SH3PXD2B: variants seen among roughly 807,000 people sequenced by gnomAD.
The protein encoded by SH3PXD2B is SH3 and PX domain-containing protein 2B.
Under a neutral mutation model 73.1 loss-of-function variants are expected in SH3PXD2B, and 37 were observed. That is an observed-to-expected ratio of 0.51 (90% confidence interval 0.39 to 0.67). The LOEUF (loss-of-function observed/expected upper bound fraction) is 0.67, where lower values mean the gene tolerates loss of function less well. Ranked by LOEUF, SH3PXD2B falls within the 30% of genes least tolerant of loss-of-function variation. The pLI, the probability that SH3PXD2B is intolerant of heterozygous loss-of-function variation, is 0.00. For missense variants in SH3PXD2B, 1,053 were observed against 1,197.8 expected (o/e 0.88, Z 1.78); for synonymous variants, 457 against 480.5 (o/e 0.95, Z 0.64).
intron 5 of SH3PXD2B, among the ~76,000 whole-genome samples, chr5:172,377,632 A>C (rs1350401494): frequency 6.6e-6 from 1 of 152,182 alleles, no homozygotes; most frequent in Non-Finnish European, 1.5e-5. Flanking sequence ...CAGAGAAGTC[A>C]AGTCATTTGT....
At position 172,338,305 on chromosome 5, in the gene SH3PXD2B, C is replaced by G; in HGVS notation, c.*64G>C. 5 of 1,611,930 alleles carry G rather than the reference C, an allele frequency of 3.1e-6. No homozygotes were observed. The South Asian group carries it at 5.5e-5, about 18-fold the overall frequency. ...GCGTGGAGAATGATAAATTAAGAGGCGTATTAAATACGTGGGTAAAGCCAG... is the reference window on the plus strand; with the variant it reads ...GCGTGGAGAATGATAAATTAAGAGGGGTATTAAATACGTGGGTAAAGCCAG... On this transcript the variant is annotated 3_prime_UTR_variant, in exon 13 of 13. Transcript: ENST00000311601. The surrounding 1 kb of genome is among the most constrained non-coding windows in gnomAD (Gnocchi z 5.1).
chr5:172,431,674 TAC>T (rs1313999057), intron 1 of SH3PXD2B, among the ~76,000 whole-genome samples: 5 of 149,372 alleles, frequency 3.3e-5, no homozygotes, highest in Non-Finnish European at 7.3e-5. Context: ...GGTGTTTATA[TAC>T]ACAGACACCC....
intron 4 of SH3PXD2B, 87 bp from the exon 5 acceptor site, chr5:172,382,214 G>A: frequency 9.2e-7 from 1 of 1,090,840 alleles, no homozygotes. Context: ...TACTCGGGAG[G>A]CTGAGGCAAG....
chr5:172,413,241 C>T (rs909998936), intron 2 of SH3PXD2B, among the ~76,000 whole-genome samples: 9 of 152,356 alleles, frequency 5.9e-5, no homozygotes, highest in South Asian at 2.1e-4. Flanking sequence ...CTGAACACAA[C>T]GGTGTCCCTG....
At chr5:172,392,232 G>A (rs1758207034) in intron 4 of SH3PXD2B, among the ~76,000 whole-genome samples, 1 of 152,100 alleles carries the variant, frequency 6.6e-6, no homozygotes, top group Admixed American at 6.5e-5. Context: ...ATATAACTGT[G>A]TCTTTACAGG....
chr5:172,452,979 C>T, intron 1 of SH3PXD2B, among the ~76,000 whole-genome samples: 1 of 152,200 alleles, frequency 6.6e-6, no homozygotes, highest in East Asian at 1.9e-4. Context: ...GAATAACTGG[C>T]TGCCCAGCCA....
At chr5:172,422,017 GGA>G (rs1400982790) in intron 2 of SH3PXD2B, among the ~76,000 whole-genome samples, 1 of 146,880 alleles carries the variant, frequency 6.8e-6, no homozygotes, top group East Asian at 2.0e-4. Flanking sequence ...TTTTTGAGAT[GGA>G]GTTTTGCTCT....
chr5:172,358,909 T>C (rs767123696), intron 7 of SH3PXD2B, 32 bp from the exon 8 acceptor site: 139 of 1,600,650 alleles, frequency 8.7e-5, no homozygotes, highest in Non-Finnish European at 1.1e-4. Flanking sequence ...ATGATGTTAG[T>C]TGCATCAAGC....
intron 12 of SH3PXD2B, among the ~76,000 whole-genome samples, chr5:172,345,182 C>G (rs1756968935): frequency 1.3e-5 from 2 of 149,388 alleles, no homozygotes; most frequent in South Asian, 2.1e-4. Context: ...TGGAATATAG[C>G]CAGGAAGGAA....
In SH3PXD2B at chr5:172,339,303, T is replaced by G. The variant is rs559517729; in HGVS notation, c.1802A>C (p.Lys601Thr). The change falls in exon 13 of 13, where the codon AAG becomes ACG. Residue 601 changes from lysine (K) to threonine (T), a missense_variant. Lys to Thr is a moderately conservative substitution (Grantham distance 78). This residue lies in a region of SH3PXD2B where 587 missense variants were observed against 590.7 expected (regional missense o/e 0.99). Coordinates refer to ENST00000311601, the MANE Select transcript of SH3PXD2B (RefSeq NM_001017995.3). This position sits in a 1 kb window ranked among gnomAD's most constrained non-coding sequence, Gnocchi z 6.1. The stretch of plus-strand genomic sequence containing the variant: ...CTTCTTCACTTCCTTGGCCAAGACC[T>G]TGTGGCCACACTCCAGCCCCATGTC... Reference protein sequence around the residue: ...KNDMGLECGHKVLAKEVKKPN... With the variant: ...KNDMGLECGHTVLAKEVKKPN... 6.2e-7 allele frequency: 1 copy of G among 1,614,198 alleles called. No homozygotes were observed. Among genetic ancestry groups the G allele is most frequent in the African/African-American group, 1.3e-5 (1 of 75,040 alleles).
At chr5:172,453,971 T>C (rs936374584) in intron 1 of SH3PXD2B, among the ~76,000 whole-genome samples, 1 of 151,118 alleles carries the variant, frequency 6.6e-6, no homozygotes, top group Non-Finnish European at 1.5e-5. Flanking sequence ...TTTCCACAGA[T>C]GAGCAGGACG....
At chr5:172,434,782 G>GTTTTTGTTTTTTTT (rs1554087271) in intron 1 of SH3PXD2B, among the ~76,000 whole-genome samples, 3 of 66,348 alleles carry the variant, frequency 4.5e-5, no homozygotes, top group African/African-American at 1.4e-4. Flanking sequence ...ATGGCCAATG[G>GTTTTTGTTTTTTTT]TTTTTTTTTT....
At position 172,378,714 on chromosome 5, in the gene SH3PXD2B, C is replaced by G. The variant is rs572272450; in HGVS notation, c.401+3322G>C. Among the ~76,000 whole-genome samples the G allele has an allele frequency of 3.3e-5, 5 of 152,290 alleles. No individual in the cohort carries two copies. In the South Asian group the frequency reaches 6.2e-4, roughly 19 times the overall value. On this transcript the variant is annotated intron_variant, in intron 5 of 12. Coordinates refer to ENST00000311601, the MANE Select transcript of SH3PXD2B (RefSeq NM_001017995.3). ...GTGAGGGAGGTGTCATCAGGCCCAT[C>G]TTACATAAGAGGAGACTGAGGCAAG...
Position 172,334,212 on chromosome 5 carries a change from C to T in SH3PXD2B, c.*4157G>A, listed in dbSNP as rs964932346. 2.7e-6 allele frequency: 3 copies of T among 1,094,746 alleles called. No individual in the cohort carries two copies. Among genetic ancestry groups the T allele is most frequent in the Admixed American group, 1.0e-4 (2 of 19,684 alleles). 67.8% of individuals were successfully genotyped at this position (1,094,746 alleles called of 1,614,324 possible). On this transcript the variant is annotated 3_prime_UTR_variant, in exon 13 of 13. Coordinates refer to ENST00000311601, the MANE Select transcript of SH3PXD2B (RefSeq NM_001017995.3). ...ATAGCACCAGAAACCAGATGCCACCCCACGGAGCTGGGCAGTCCAGTCTGT... is the reference window on the plus strand; with the variant it reads ...ATAGCACCAGAAACCAGATGCCACCTCACGGAGCTGGGCAGTCCAGTCTGT...
chr5:172,340,117 G>T (rs530296123), intron 12 of SH3PXD2B, among the ~76,000 whole-genome samples: 1 of 152,210 alleles, frequency 6.6e-6, no homozygotes, highest in Non-Finnish European at 1.5e-5. Flanking sequence ...GAGTCTTGTC[G>T]TATGGGACTC....
chr5:172,365,054 C>A lies in SH3PXD2B; in HGVS notation c.428-2185G>T, dbSNP rs141300622. ...TCTTGGCTCTGTGCCCATGCTCTGG[C>A]CACTCCCCCTCCCTGCCTGAGGGTA... On this transcript the variant is annotated intron_variant, in intron 6 of 12. Coordinates refer to ENST00000311601, the MANE Select transcript of SH3PXD2B (RefSeq NM_001017995.3). Among the ~76,000 whole-genome samples, 160 of 152,306 alleles carry A rather than the reference C, an allele frequency of 1.1e-3. 1 individual carries two copies. The highest frequency in any genetic ancestry group is 1.5e-3 in the Non-Finnish European group (101 of 68,030).
At chr5:172,410,279 C>T (rs1435897332) in intron 2 of SH3PXD2B, among the ~76,000 whole-genome samples, 1 of 152,160 alleles carries the variant, frequency 6.6e-6, no homozygotes, top group East Asian at 1.9e-4. Context: ...TAAGAGTTCC[C>T]TTTTCTCTAC....
At chr5:172,356,381 GTTTACATGGA>G (rs1479530113) in intron 8 of SH3PXD2B, among the ~76,000 whole-genome samples, 1 of 152,146 alleles carries the variant, frequency 6.6e-6, no homozygotes, top group Non-Finnish European at 1.5e-5. Flanking sequence ...GCTTAACCCG[GTTTACATGGA>G]TTTCTTTCCC....
chr5:172,339,490 G>C lies in SH3PXD2B; in HGVS notation c.1615C>G (p.Arg539Gly), dbSNP rs199704139. The C allele has an allele frequency of 4.3e-6, 7 of 1,613,734 alleles. No individual in the cohort carries two copies. In the South Asian group the frequency reaches 6.6e-5, roughly 15 times the overall value. The change falls in exon 13 of 13, where the codon CGG becomes GGG. Residue 539 changes from arginine (R) to glycine (G), a missense_variant. Arg to Gly is a moderately radical substitution (Grantham distance 125). This residue lies in a region of SH3PXD2B where 587 missense variants were observed against 590.7 expected (regional missense o/e 0.99). Transcript: ENST00000311601. The surrounding 1 kb of genome is among the most constrained non-coding windows in gnomAD (Gnocchi z 6.1). ...IIKSEGELLE[R>G]ERERQRTEQL... is the part of the protein sequence containing the mutation. ...TCCGTCCTCTGCCGCTCCCGCTCCC[G>C]CTCCAGCAGCTCCCCCTCCGACTTG...
Sources: allele counts gnomAD v4.1 joint callset (sites outside exome capture counted in the v4.1 genomes callset), GRCh38; gene constraint gnomAD v4.1.1; regional missense constraint gnomAD v4.1.1; non-coding constraint Gnocchi (gnomAD v3.1); transcripts MANE v1.5; gene names NCBI Gene and HGNC (gene_info 2026-07-23, HGNC 2026-07-21).